Variants in MALRD1 observed in about 807,000 individuals in gnomAD.
MALRD1 encodes the protein MAM and LDL-receptor class A domain-containing protein 1.
MALRD1 carries 247 observed loss-of-function variants against 242.1 expected under a neutral mutation model. The ratio of observed to expected loss-of-function variants is 1.02; its 90% confidence interval spans 0.92 to 1.13. The LOEUF is 1.13. Ranked by LOEUF, MALRD1 falls within the 50% of genes most tolerant of loss-of-function variation. MALRD1 has a pLI of 0.00. For missense variants in MALRD1, 2,989 were observed against 2,533.1 expected, an observed-to-expected ratio of 1.18 and a Z score of -3.86; for synonymous variants, 995 against 866.6, an observed-to-expected ratio of 1.15 and a Z score of -2.60.
chr10:19,274,326 C>T (rs948922368), intron 19 of MALRD1, among the ~76,000 whole-genome samples: 1 of 152,186 alleles, frequency 6.6e-6, no homozygotes, highest in African/African-American at 2.4e-5. Flanking sequence ...CATGCTGCCA[C>T]ATAGATGCTG....
intron 14 of MALRD1, among the ~76,000 whole-genome samples, chr10:19,197,243 G>A (rs1300535736): frequency 6.6e-6 from 1 of 152,082 alleles, no homozygotes; most frequent in Non-Finnish European, 1.5e-5. Context: ...CAACACGTGA[G>A]AATTACAATT....
At chr10:19,680,014 CTG>C (rs1234852818) in intron 36 of MALRD1, among the ~76,000 whole-genome samples, 1 of 151,684 alleles carries the variant, frequency 6.6e-6, no homozygotes, top group African/African-American at 2.4e-5. Flanking sequence ...GTCTGAGAGA[CTG>C]TTTGTTTCTT....
In MALRD1 at chr10:19,350,899, G is replaced by A. The variant is rs117177144; in HGVS notation, c.4150-1107G>A. Among the ~76,000 whole-genome samples the A allele has an allele frequency of 2.6e-3, 396 of 152,234 alleles. 2 individuals are homozygous for A. Among genetic ancestry groups the A allele is most frequent in the Middle Eastern group, 0.02 (6 of 294 alleles). On this transcript the variant is annotated intron_variant, in intron 25 of 39. Transcript: ENST00000454679. ...TGGCCACTTTGTTTCTCACTCAAAT[G>A]AGTCATGGTACCCAAGTTTCACCGG...
chr10:19,308,972 A>T (rs866972379), intron 21 of MALRD1, among the ~76,000 whole-genome samples: 1 of 151,642 alleles, frequency 6.6e-6, no homozygotes, highest in Non-Finnish European at 1.5e-5. Context: ...TAGATTTTTT[A>T]AAAATGAAGA....
intron 5 of MALRD1, among the ~76,000 whole-genome samples, chr10:19,109,804 T>A (rs563752939): frequency 6.6e-6 from 1 of 152,192 alleles, no homozygotes; most frequent in Admixed American, 6.5e-5. Context: ...GAAGGCACAA[T>A]GTGCGCTCCT....
rs1307284562 is a variant in MALRD1, at chr10:19,595,425, A to T, written c.5912A>T (p.Asp1971Val). 2 of 1,550,204 alleles carry T rather than the reference A, an allele frequency of 1.3e-6. No homozygotes were observed. The highest frequency in any genetic ancestry group is 1.7e-6 in the Non-Finnish European group (2 of 1,146,772). Reference protein sequence around the residue: ...PSLLLCDGVPDCHFNEDELIC... With the variant: ...PSLLLCDGVPVCHFNEDELIC... ...CTCCTGCTATGCGATGGAGTGCCCG[A>T]CTGCCACTTTAATGAAGATGAGCTC... Residue 1971 changes from aspartate (D) to valine (V), a missense_variant, in exon 34 of 40, where the codon GAC becomes GTC. By Grantham distance (152) the Asp-to-Val change is radical. Transcript: ENST00000454679.
intron 38 of MALRD1, among the ~76,000 whole-genome samples, chr10:19,701,396 T>C (rs1346291926): frequency 6.6e-6 from 1 of 152,104 alleles, no homozygotes; most frequent in Non-Finnish European, 1.5e-5. Flanking sequence ...TCAAATGTCA[T>C]ATATTCTCTT....
At chr10:19,399,156 AT>A (rs143950427) in intron 28 of MALRD1, among the ~76,000 whole-genome samples, 5,985 of 152,214 alleles carry the variant, frequency 0.039, 193 homozygotes, top group African/African-American at 0.086. Flanking sequence ...GTTGCTGTCC[AT>A]TTGCCCACGG....
intron 38 of MALRD1, among the ~76,000 whole-genome samples, chr10:19,727,129 T>C (rs554393114): frequency 5.5e-4 from 84 of 152,332 alleles, no homozygotes; most frequent in African/African-American, 1.9e-3. Context: ...TAAAAATTAA[T>C]AAAAGTAACA....
intron 28 of MALRD1, among the ~76,000 whole-genome samples, chr10:19,394,001 A>T (rs1351299278): frequency 6.6e-6 from 1 of 152,170 alleles, no homozygotes; most frequent in Admixed American, 6.5e-5. Context: ...TAAACTGTTG[A>T]TGTTTTAATC....
intron 38 of MALRD1, among the ~76,000 whole-genome samples, chr10:19,706,289 A>T (rs895312030): frequency 6.6e-6 from 1 of 152,206 alleles, no homozygotes; most frequent in Admixed American, 6.5e-5. Context: ...AAAGCTAACA[A>T]AAGAGATTTT....
At chr10:19,063,067 C>T (rs951829858) in intron 1 of MALRD1, among the ~76,000 whole-genome samples, 4 of 151,874 alleles carry the variant, frequency 2.6e-5, no homozygotes, top group East Asian at 1.9e-4. Flanking sequence ...ATCACTTGAG[C>T]CTGGGGAGGT....
chr10:19,236,740 A>T (rs1588746732), intron 18 of MALRD1, among the ~76,000 whole-genome samples: 1 of 152,152 alleles, frequency 6.6e-6, no homozygotes, highest in African/African-American at 2.4e-5. Context: ...TTAAAATTTT[A>T]TTTCAGATAC....
intron 12 of MALRD1, 51 bp downstream of exon 12, chr10:19,155,223 T>G (rs1242321383): frequency 2.9e-6 from 3 of 1,038,568 alleles, no homozygotes; most frequent in Non-Finnish European, 2.5e-6. Context: ...TGTAAATCGC[T>G]GAGCTTGGGT....
intron 22 of MALRD1, among the ~76,000 whole-genome samples, chr10:19,326,728 CAG>C (rs1469299230): frequency 1.3e-5 from 2 of 151,874 alleles, no homozygotes; most frequent in African/African-American, 2.4e-5. Flanking sequence ...ATTAAAAAAA[CAG>C]ATAATGTAAT....
At chr10:19,125,259 C>G (rs764946031) in intron 7 of MALRD1, among the ~76,000 whole-genome samples, 1 of 150,288 alleles carries the variant, frequency 6.7e-6, no homozygotes. Flanking sequence ...TCGGCCAGCT[C>G]TTTCTTTCTC....
chr10:19,221,467 T>G (rs968624627), intron 18 of MALRD1, among the ~76,000 whole-genome samples: 3 of 152,186 alleles, frequency 2.0e-5, no homozygotes, highest in African/African-American at 7.2e-5. Flanking sequence ...ATGCTAAATC[T>G]CACTTCACAA....
intron 18 of MALRD1, among the ~76,000 whole-genome samples, chr10:19,240,912 C>G (rs74694941): frequency 0.014 from 2,155 of 152,126 alleles, 42 homozygotes; most frequent in African/African-American, 0.05. Context: ...TGGGATGAAT[C>G]CCACTTGATT....
chr10:19,258,201 C>A (rs1172790123), intron 19 of MALRD1, among the ~76,000 whole-genome samples: 2 of 151,942 alleles, frequency 1.3e-5, no homozygotes, highest in East Asian at 3.9e-4. Flanking sequence ...GGTTTTATGT[C>A]TATTAAAATG....
Sources: gnomAD v4.1 joint callset for allele counts (sites outside exome capture counted in the v4.1 genomes callset) on GRCh38, gnomAD v4.1.1 for gene constraint, MANE v1.5 for transcripts, NCBI Gene and HGNC (gene_info 2026-07-23, HGNC 2026-07-21) for gene names.